The following ATP6V0A4 variants were observed in gnomAD, a reference collection of about 807,000 sequenced individuals.
The protein encoded by ATP6V0A4 is ATPase H+ transporting V0 subunit a4, also known as V-type proton ATPase 116 kDa subunit a 4.
Under a neutral mutation model 107.3 loss-of-function variants are expected in ATP6V0A4, and 86 were observed. That is an observed-to-expected ratio of 0.80 (90% CI 0.67 to 0.96). The LOEUF is 0.96. Among genes scored for constraint, ATP6V0A4 ranks in the 40% least tolerant of loss-of-function variants. The probability of loss-of-function intolerance (pLI) is 0.00; values close to 1 mark genes in which losing one functional copy is unlikely to be tolerated. For synonymous variants in ATP6V0A4, 353 were observed against 381.4 expected, an observed-to-expected ratio of 0.93 and a Z score of 0.87; for missense variants, 908 against 1,045.6, an observed-to-expected ratio of 0.87 and a Z score of 1.81.
chr7:138,778,317 C>G (rs143033328), intron 2 of ATP6V0A4, among the ~76,000 whole-genome samples: 1 of 128,390 alleles, frequency 7.8e-6, no homozygotes, highest in Non-Finnish European at 1.7e-5. Flanking sequence ...GCCAAGATCG[C>G]GCCACTGCAC....
intron 15 of ATP6V0A4, among the ~76,000 whole-genome samples, chr7:138,736,121 C>T (rs1179526063): frequency 1.3e-5 from 2 of 151,998 alleles, no homozygotes; most frequent in Non-Finnish European, 2.9e-5. Flanking sequence ...TGGCACGTGC[C>T]TGTAGTCCCA....
chr7:138,767,920 T>C (rs1347198998), intron 5 of ATP6V0A4, among the ~76,000 whole-genome samples: 2 of 151,966 alleles, frequency 1.3e-5, no homozygotes, highest in Non-Finnish European at 2.9e-5. Context: ...AGGTATTCAG[T>C]GGTTTTTTTG....
chr7:138,761,328 T>C (rs1301814434), intron 7 of ATP6V0A4, among the ~76,000 whole-genome samples: 1 of 114,064 alleles, frequency 8.8e-6, no homozygotes, highest in East Asian at 2.1e-4. Flanking sequence ...TGAGAGCCCG[T>C]GTCAAAAAAA....
At chr7:138,718,933 C>T (rs1413789775) in intron 19 of ATP6V0A4, among the ~76,000 whole-genome samples, 1 of 151,980 alleles carries the variant, frequency 6.6e-6, no homozygotes, top group African/African-American at 2.4e-5. Flanking sequence ...GCCTGTAATC[C>T]CAGCACTTTG....
At chr7:138,730,191 A>C (rs1228975180) in intron 17 of ATP6V0A4, among the ~76,000 whole-genome samples, 2 of 152,132 alleles carry the variant, frequency 1.3e-5, no homozygotes, top group African/African-American at 4.8e-5. Context: ...GCCTCACTCT[A>C]CTTTTAAATG....
chr7:138,781,547 G>A (rs966984342), intron 2 of ATP6V0A4, among the ~76,000 whole-genome samples: 1 of 152,114 alleles, frequency 6.6e-6, no homozygotes, highest in African/African-American at 2.4e-5. Context: ...GGCCAGGCTG[G>A]TCTTGAACTC....
At chr7:138,733,290 T>G in intron 16 of ATP6V0A4, 197 bp from the exon 17 acceptor site, 19 of 380,270 alleles carry the variant, frequency 5.0e-5, no homozygotes, top group South Asian at 1.2e-4. Flanking sequence ...TGAAAGGAAA[T>G]ACTGGAAAGT....
At chr7:138,744,424 G>C (rs1440936478) in intron 14 of ATP6V0A4, among the ~76,000 whole-genome samples, 1 of 152,072 alleles carries the variant, frequency 6.6e-6, no homozygotes, top group Non-Finnish European at 1.5e-5. Context: ...TTTTAGCAGA[G>C]ATGGGGTTTC....
Position 138,734,280 on chromosome 7 carries a change from C to A in ATP6V0A4, c.1573-26G>T, listed in dbSNP as rs768176257. ...CTGGATGGGAAATGGGACAAAAAAC[C>A]AAGTGAGAGAGAGTCTTAGAAGTTC... On this transcript the variant is annotated intron_variant, in intron 15 of 21. Coordinates refer to ENST00000310018, the MANE Select transcript of ATP6V0A4 (RefSeq NM_020632.3). 26 of 1,611,814 alleles carry A rather than the reference C, an allele frequency of 1.6e-5. No homozygotes were observed. The East Asian group carries it at 5.6e-4, about 35-fold the overall frequency.
chr7:138,755,689 G>T lies in ATP6V0A4; in HGVS notation c.816C>A (p.Thr272=). The T allele has an allele frequency of 6.2e-7, 1 of 1,613,648 alleles. No individual in the cohort carries two copies. The highest frequency in any genetic ancestry group is 1.7e-5 in the Admixed American group (1 of 60,014). Residue 272 remains threonine (T), a splice_region_variant and synonymous_variant, in exon 10 of 22, where the codon ACC becomes ACA. Coordinates refer to ENST00000310018, the MANE Select transcript of ATP6V0A4 (RefSeq NM_020632.3). The part of the protein sequence containing the change: ...SVNVRLEDLI[T]VITQTESHRQ... ...CCATGCGCCCAAACCCCTCACTCACGGTGATTAAATCTTCCAGCCTCACAT... is the reference window on the plus strand; with the variant it reads ...CCATGCGCCCAAACCCCTCACTCACTGTGATTAAATCTTCCAGCCTCACAT...
intron 13 of ATP6V0A4, among the ~76,000 whole-genome samples, chr7:138,746,005 T>TATATATTTATAATATAATATATATTTATA (rs1367562666): frequency 1.9e-5 from 2 of 103,982 alleles, no homozygotes; most frequent in African/African-American, 4.3e-5. Context: ...ATATAAATAA[T>TATATATTTATAATATAATATATATTTATA]ATATATATTT....
At chr7:138,789,484 G>C (rs1308615594) in intron 1 of ATP6V0A4, among the ~76,000 whole-genome samples, 2 of 151,442 alleles carry the variant, frequency 1.3e-5, no homozygotes, top group African/African-American at 4.8e-5. Context: ...CTGACCTCAA[G>C]TGATCCACCC....
intron 2 of ATP6V0A4, among the ~76,000 whole-genome samples, chr7:138,775,239 A>G (rs1231717646): frequency 6.6e-6 from 1 of 152,064 alleles, no homozygotes; most frequent in African/African-American, 2.4e-5. Context: ...CAGTTCATGA[A>G]TGTTCTATCA....
intron 9 of ATP6V0A4, among the ~76,000 whole-genome samples, 177 bp downstream of exon 9, chr7:138,756,281 C>T (rs1404889177): frequency 6.6e-6 from 1 of 152,174 alleles, no homozygotes; most frequent in Non-Finnish European, 1.5e-5. Flanking sequence ...TTCAAGTTCT[C>T]CCTATTCATA....
chr7:138,712,036 T>G (rs6467791), intron 20 of ATP6V0A4, among the ~76,000 whole-genome samples: 86,390 of 151,966 alleles, frequency 0.57, 25,755 homozygotes, highest in African/African-American at 0.76. Flanking sequence ...AGGTTCAAGT[T>G]ATTCTCCTGC....
intron 15 of ATP6V0A4, among the ~76,000 whole-genome samples, 157 bp downstream of exon 15, chr7:138,739,382 AC>A (rs1376596071): frequency 6.6e-6 from 1 of 152,102 alleles, no homozygotes; most frequent in Non-Finnish European, 1.5e-5. Context: ...CTTTTACTTG[AC>A]TCTGGCTCTA....
intron 1 of ATP6V0A4, among the ~76,000 whole-genome samples, 183 bp from the exon 2 acceptor site, chr7:138,786,443 G>A (rs1023722423): frequency 2.0e-5 from 3 of 151,694 alleles, no homozygotes; most frequent in South Asian, 2.1e-4. Flanking sequence ...GCTGGCCTTC[G>A]TGGCATGCAT....
At chr7:138,788,041 G>T (rs1036013292) in intron 1 of ATP6V0A4, among the ~76,000 whole-genome samples, 12 of 151,982 alleles carry the variant, frequency 7.9e-5, no homozygotes, top group Non-Finnish European at 1.5e-4. Context: ...ATGAAGGGAA[G>T]TTATAGAAAA....
In ATP6V0A4 at chr7:138,762,498, A is replaced by G. The variant is rs1806875339; in HGVS notation, c.418-64T>C. On this transcript the variant is annotated intron_variant, in intron 6 of 21. Coordinates refer to ENST00000310018, the MANE Select transcript of ATP6V0A4 (RefSeq NM_020632.3). ...TTAGGGAAACTCAAAAGGCACCTAC[A>G]CCTCAAGATTTTCTCTGGTTTTAGT... is the stretch of plus-strand genomic sequence containing the variant. 6 of 1,599,180 alleles carry G rather than the reference A, an allele frequency of 3.8e-6. No individual in the cohort carries two copies. In the South Asian group the frequency reaches 6.7e-5, roughly 18 times the overall value.
Sources: gnomAD v4.1 joint callset for allele counts (sites outside exome capture counted in the v4.1 genomes callset) on GRCh38, gnomAD v4.1.1 for gene constraint, MANE v1.5 for transcripts, NCBI Gene and HGNC (gene_info 2026-07-23, HGNC 2026-07-21) for gene names.